The following VAMP3 variants were observed in gnomAD, a reference collection of about 807,000 sequenced individuals.
The protein encoded by VAMP3 is vesicle associated membrane protein 3, also known as vesicle-associated membrane protein 3.
In VAMP3, 11 loss-of-function variants were observed where a neutral mutation model predicts 18.1. The observed-to-expected ratio is 0.61, with a 90% CI of 0.38 to 1.00. The LOEUF (loss-of-function observed/expected upper bound fraction) is 1.00, where lower values mean the gene tolerates loss of function less well. Among genes scored for constraint, VAMP3 ranks in the 50% least tolerant of loss-of-function variants. The pLI, the probability that VAMP3 is intolerant of heterozygous loss-of-function variation, is 0.01. For missense variants in VAMP3, 122 were observed against 127.3 expected, an observed-to-expected ratio of 0.96 and a Z score of 0.20; for synonymous variants, 49 against 43.1, an observed-to-expected ratio of 1.14 and a Z score of -0.53.
Position 7,773,525 on chromosome 1 carries a change from ATGT to A in VAMP3, c.72+17_72+19del. 1 of 1,609,702 alleles carries A rather than the reference ATGT, an allele frequency of 6.2e-7. No homozygotes were observed. The highest frequency in any genetic ancestry group is 8.5e-7 in the Non-Finnish European group (1 of 1,177,158). On this transcript the variant is annotated intron_variant, in intron 2 of 4. Coordinates refer to ENST00000054666, the MANE Select transcript of VAMP3 (RefSeq NM_004781.4). Reference sequence around the variant, plus strand: ...CAAGTAGATGAGGTATTGCTCTGAAATGTTGGAAATATGAATTTTAAACAAATA... The same window carrying A: ...CAAGTAGATGAGGTATTGCTCTGAAATGGAAATATGAATTTTAAACAAATA...
Position 7,780,314 on chromosome 1 carries a change from T to G in VAMP3, c.*669T>G, listed in dbSNP as rs1448971582. 1.3e-5 allele frequency: 2 copies of G among 152,810 alleles called. No homozygotes were observed. The highest frequency in any genetic ancestry group is 2.9e-5 in the Non-Finnish European group (2 of 68,058). 9.5% of individuals were successfully genotyped at this position (152,810 alleles called of 1,614,324 possible). ...AAGAACTATGGCTATGACCAAAGCT[T>G]CTATTTTGCCAAAAAGTTAAATACC... On this transcript the variant is annotated 3_prime_UTR_variant, in exon 5 of 5. Transcript: ENST00000054666.
intron 4 of VAMP3, 49 bp from the exon 5 acceptor site, chr1:7,779,577 G>GA (rs770597358): frequency 3.6e-5 from 58 of 1,613,678 alleles, no homozygotes; most frequent in Non-Finnish European, 4.6e-5. Context: ...CACACTGAGA[G>GA]ACTAACCTGC....
intron 2 of VAMP3, chr1:7,776,818 T>A (rs1294163616): frequency 2.1e-5 from 1 of 46,620 alleles, no homozygotes; most frequent in Non-Finnish European, 4.3e-5. Flanking sequence ...GTGCCTCCAT[T>A]TTTTTTGAGA....
In VAMP3 at chr1:7,777,818, C is replaced by G. The variant is rs697674; in HGVS notation, c.232-300C>G. 0.16 allele frequency among the ~76,000 whole-genome samples: 24,735 copies of G among 152,212 alleles called. 2,334 individuals are homozygous for G. The highest frequency in any genetic ancestry group is 0.22 in the African/African-American group (9,204 of 41,536). On this transcript the variant is annotated intron_variant, in intron 3 of 4. Coordinates refer to ENST00000054666, the MANE Select transcript of VAMP3 (RefSeq NM_004781.4). ...TGTATCCTGTCCTCTGCCTTGTTTA[C>G]AAGTGACACTTTGAGACACAGGGCA...
Position 7,773,288 on chromosome 1 carries a change from C to CT in VAMP3, c.3-151dup. 4 of 619,724 alleles carry CT rather than the reference C, an allele frequency of 6.5e-6. 1 individual carries two copies. Among genetic ancestry groups the CT allele is most frequent in the South Asian group, 4.5e-5 (2 of 44,212 alleles). 38.4% of individuals were successfully genotyped at this position (619,724 alleles called of 1,614,324 possible). On this transcript the variant is annotated intron_variant, in intron 1 of 4. Coordinates refer to ENST00000054666, the MANE Select transcript of VAMP3 (RefSeq NM_004781.4). ...GAAATTAGAAGAAATGCAATTAAAA[C>CT]TTTCGTTCATTGCTTCAGGAAGAAT... is the stretch of plus-strand genomic sequence containing the variant.
intron 2 of VAMP3, among the ~76,000 whole-genome samples, chr1:7,773,914 TCTTA>T (rs60893477): frequency 0.017 from 2,576 of 152,322 alleles, 56 homozygotes; most frequent in African/African-American, 0.059. Flanking sequence ...TGCTTTGTCT[TCTTA>T]CTAATTGTCC....
chr1:7,777,388 G>T, intron 3 of VAMP3, 70 bp downstream of exon 3: 4 of 1,504,864 alleles, frequency 2.7e-6, no homozygotes, highest in East Asian at 2.4e-5. Context: ...ACAGGCTACA[G>T]ATAATGGACT....
At chr1:7,777,380 A>C in intron 3 of VAMP3, 62 bp downstream of exon 3, 1 of 1,535,794 alleles carries the variant, frequency 6.5e-7, no homozygotes, top group Non-Finnish European at 8.8e-7. Context: ...GAGAATTAAC[A>C]GGCTACAGAT....
rs114336504 is a variant in VAMP3, at chr1:7,777,273, G to T, written c.186G>T (p.Thr62=). Reference sequence around the variant, plus strand: ...AGGCAGGCGCTTCTCAATTTGAAACGAGCGCAGCCAAGTTGAAGAGGAAAT... The same window carrying T: ...AGGCAGGCGCTTCTCAATTTGAAACTAGCGCAGCCAAGTTGAAGAGGAAAT... ...ALQAGASQFE[T]SAAKLKRKYW... The change falls in exon 3 of 5, where the codon ACG becomes ACT. Residue 62 remains threonine, a synonymous_variant. Transcript: ENST00000054666. 1 of 1,613,562 alleles carries T rather than the reference G, an allele frequency of 6.2e-7. No homozygotes were observed. The highest frequency in any genetic ancestry group is 1.1e-5 in the South Asian group (1 of 90,930).
Position 7,779,786 on chromosome 1 carries a change from TG to T in VAMP3, c.*142del, listed in dbSNP as rs1392280421. The T allele has an allele frequency of 1.7e-6, 2 of 1,181,860 alleles. No homozygotes were observed. The highest frequency in any genetic ancestry group is 3.1e-5 in the African/African-American group (2 of 64,700). The allele number at this position is 1,181,860 out of a possible 1,614,324, so 73.2% of individuals were successfully genotyped here. On this transcript the variant is annotated 3_prime_UTR_variant, in exon 5 of 5. Transcript: ENST00000054666. ...TGTAAAGTTGAATTTCTAGGAAACGTGCCTTTGTTTTTTAATATGCACTCCA... is the reference window on the plus strand; with the variant it reads ...TGTAAAGTTGAATTTCTAGGAAACGTCCTTTGTTTTTTAATATGCACTCCA...
intron 3 of VAMP3, among the ~76,000 whole-genome samples, chr1:7,777,857 T>A (rs973578248): frequency 6.6e-6 from 1 of 152,242 alleles, no homozygotes; most frequent in Non-Finnish European, 1.5e-5. Context: ...TGAGCAGCCT[T>A]TCCATATGTG....
intron 1 of VAMP3, among the ~76,000 whole-genome samples, chr1:7,771,824 G>T (rs1482444383): frequency 1.3e-5 from 2 of 152,272 alleles, no homozygotes; most frequent in Non-Finnish European, 2.9e-5. Context: ...AGAGCTCCTT[G>T]CCTAGCTAGG....
chr1:7,777,092 T>C, intron 2 of VAMP3, 68 bp from the exon 3 acceptor site: 1 of 1,529,648 alleles, frequency 6.5e-7, no homozygotes, highest in Non-Finnish European at 8.8e-7. Context: ...ATTACAGGCG[T>C]GAGCCACCGC....
intron 2 of VAMP3, among the ~76,000 whole-genome samples, chr1:7,774,144 C>G (rs958760010): frequency 6.6e-6 from 1 of 152,240 alleles, no homozygotes; most frequent in Non-Finnish European, 1.5e-5. Flanking sequence ...AAAGCCGTCA[C>G]TGTCCGACAA....
Position 7,779,657 on chromosome 1 carries a change from A to T in VAMP3, c.*12A>T. ...TTGTCTCTTCATGAAGAACCAGCGG[A>T]ACTCAAAACTGCTGTTCAAGAAACC... is the stretch of plus-strand genomic sequence containing the variant. On this transcript the variant is annotated 3_prime_UTR_variant, in exon 5 of 5. Coordinates refer to ENST00000054666, the MANE Select transcript of VAMP3 (RefSeq NM_004781.4). 3 of 1,614,160 alleles carry T rather than the reference A, an allele frequency of 1.9e-6. No individual in the cohort carries two copies. The highest frequency in any genetic ancestry group is 2.5e-6 in the Non-Finnish European group (3 of 1,180,028).
Position 7,773,423 on chromosome 1 carries a change from A to G in VAMP3, c.3-19A>G. The G allele has an allele frequency of 6.2e-7, 1 of 1,609,422 alleles. No individual in the cohort carries two copies. Among genetic ancestry groups the G allele is most frequent in the Non-Finnish European group, 8.5e-7 (1 of 1,175,760 alleles). ...TTGGAATCGTAATGTACTCATGCTC[A>G]TGCCTTTACATGTTCCAGGTCTACA... On this transcript the variant is annotated intron_variant, in intron 1 of 4. Coordinates refer to ENST00000054666, the MANE Select transcript of VAMP3 (RefSeq NM_004781.4).
chr1:7,777,443 G>A, intron 3 of VAMP3, 125 bp downstream of exon 3: 1 of 1,256,286 alleles, frequency 8.0e-7, no homozygotes, highest in Non-Finnish European at 1.1e-6. Context: ...ACATGGAAAT[G>A]TGGGTCCACT....
chr1:7,779,303 C>G (rs185651139), intron 4 of VAMP3, among the ~76,000 whole-genome samples: 1 of 152,128 alleles, frequency 6.6e-6, no homozygotes, highest in Admixed American at 6.5e-5. Context: ...CAAACACACA[C>G]ACAACTATTA....
intron 2 of VAMP3, among the ~76,000 whole-genome samples, chr1:7,774,194 A>C (rs2097052948): frequency 6.6e-6 from 1 of 152,200 alleles, no homozygotes; most frequent in African/African-American, 2.4e-5. Context: ...CCCTGAAAAA[A>C]CAGTTAAAGT....
Sources: allele counts gnomAD v4.1 joint callset (sites outside exome capture counted in the v4.1 genomes callset), GRCh38; gene constraint gnomAD v4.1.1; transcripts MANE v1.5; gene names NCBI Gene and HGNC (gene_info 2026-07-23, HGNC 2026-07-21).